The following HACD2 variants were observed in gnomAD, a reference collection of about 807,000 sequenced individuals.
HACD2 encodes 3-hydroxyacyl-CoA dehydratase 2.
In HACD2, 15 loss-of-function variants were observed where a neutral mutation model predicts 31.0. The observed-to-expected ratio is 0.48, with a 90% CI of 0.32 to 0.75. The LOEUF is 0.75. HACD2 is among the 30% of genes least tolerant of loss of function. HACD2 has a pLI of 0.03. For synonymous variants in HACD2, 115 were observed against 122.2 expected (o/e 0.94, Z 0.39); for missense variants, 283 against 313.0 (o/e 0.90, Z 0.72).
chr3:123,530,386 G>C (rs1409870885), intron 3 of HACD2, among the ~76,000 whole-genome samples: 5 of 151,812 alleles, frequency 3.3e-5, no homozygotes, highest in South Asian at 2.1e-4. Flanking sequence ...CAAGTAGCTG[G>C]GACCACACGG....
chr3:123,541,779 T>C (rs1353341680), intron 3 of HACD2, among the ~76,000 whole-genome samples: 2 of 152,188 alleles, frequency 1.3e-5, no homozygotes, highest in African/African-American at 4.8e-5. Context: ...TTAATGGTCT[T>C]TATATAACTA....
Position 123,568,547 on chromosome 3 carries a change from T to C in HACD2, c.274-767A>G, listed in dbSNP as rs550839167. 7.9e-5 allele frequency among the ~76,000 whole-genome samples: 12 copies of C among 152,320 alleles called. No individual in the cohort carries two copies. In the East Asian group the frequency reaches 2.1e-3, roughly 27 times the overall value. The stretch of plus-strand genomic sequence containing the variant: ...TTCTGGGGTCTGTCTTCCCCATTTT[T>C]ATTTCCAGTGCGTTGAGTGAGACTG... On this transcript the variant is annotated intron_variant, in intron 2 of 6. Transcript: ENST00000383657.
At chr3:123,518,711 C>A (rs1045982232) in intron 4 of HACD2, among the ~76,000 whole-genome samples, 1 of 152,026 alleles carries the variant, frequency 6.6e-6, no homozygotes, top group Non-Finnish European at 1.5e-5. Flanking sequence ...TAAGCCAGAG[C>A]AAAGGCCGGG....
In HACD2 at chr3:123,584,853, T is replaced by C. The variant is rs1475583389; in HGVS notation, c.155+20A>G. 1.4e-6 allele frequency: 2 copies of C among 1,459,330 alleles called. No homozygotes were observed. Among genetic ancestry groups the C allele is most frequent in the Non-Finnish European group, 1.8e-6 (2 of 1,099,662 alleles). 90.4% of individuals were successfully genotyped at this position (1,459,330 alleles called of 1,614,324 possible). A position where few individuals can be genotyped will look rare whatever the true frequency, so the allele number is the denominator to read the frequency against. On this transcript the variant is annotated intron_variant, in intron 1 of 6. Transcript: ENST00000383657. ...TCCCCGGCCGCGCTGGCTCCCCGCC[T>C]CCCCGAGCCCCAGCCTCACCCGGCT...
At chr3:123,528,901 A>G (rs113740148) in intron 3 of HACD2, among the ~76,000 whole-genome samples, 3 of 152,328 alleles carry the variant, frequency 2.0e-5, no homozygotes, top group African/African-American at 7.2e-5. Context: ...AAGCTCATGG[A>G]CATCAGACTT....
intron 3 of HACD2, among the ~76,000 whole-genome samples, chr3:123,536,530 A>C (rs541200503): frequency 1.3e-5 from 2 of 152,238 alleles, no homozygotes; most frequent in East Asian, 1.9e-4. Context: ...ACAACCCAAC[A>C]TAAGGATAAC....
chr3:123,510,598 T>C (rs2056046914), intron 4 of HACD2, among the ~76,000 whole-genome samples: 1 of 152,230 alleles, frequency 6.6e-6, no homozygotes, highest in Non-Finnish European at 1.5e-5. Context: ...TAATATGTAT[T>C]AGAATTTCCT....
At chr3:123,577,437 T>A (rs820439) in intron 2 of HACD2, among the ~76,000 whole-genome samples, 4 of 151,576 alleles carry the variant, frequency 2.6e-5, no homozygotes, top group African/African-American at 7.3e-5. Context: ...CTGGCTAACA[T>A]GGTGAAACCC....
intron 4 of HACD2, among the ~76,000 whole-genome samples, chr3:123,520,343 C>T (rs181543156): frequency 1.7e-4 from 26 of 152,080 alleles, no homozygotes; most frequent in Admixed American, 1.6e-3. Context: ...ATATGAAAAC[C>T]GAATTGCCTA....
At chr3:123,542,746 T>C (rs1704802329) in intron 3 of HACD2, among the ~76,000 whole-genome samples, 2 of 152,214 alleles carry the variant, frequency 1.3e-5, no homozygotes, top group African/African-American at 4.8e-5. Context: ...TTAGAAGTAT[T>C]AGTGAATACA....
At chr3:123,548,549 T>C (rs1005159104) in intron 3 of HACD2, among the ~76,000 whole-genome samples, 2 of 152,214 alleles carry the variant, frequency 1.3e-5, no homozygotes, top group Admixed American at 1.3e-4. Flanking sequence ...AGATATGTTT[T>C]AATGTATCAA....
At chr3:123,547,648 C>G (rs2056574742) in intron 3 of HACD2, among the ~76,000 whole-genome samples, 1 of 152,136 alleles carries the variant, frequency 6.6e-6, no homozygotes, top group Admixed American at 6.6e-5. Flanking sequence ...CCACTTGGCT[C>G]CTACCATGTA....
chr3:123,515,915 C>A (rs1031684842), intron 4 of HACD2, among the ~76,000 whole-genome samples: 19 of 151,980 alleles, frequency 1.3e-4, no homozygotes, highest in African/African-American at 3.9e-4. Flanking sequence ...CACCACCATG[C>A]CCGGCTAAAT....
chr3:123,566,808 C>T (rs565061545), intron 3 of HACD2, among the ~76,000 whole-genome samples: 5 of 152,152 alleles, frequency 3.3e-5, no homozygotes, highest in South Asian at 2.1e-4. Context: ...GAGCTATGAT[C>T]GCATCAATGC....
intron 3 of HACD2, among the ~76,000 whole-genome samples, chr3:123,535,048 T>G (rs548006366): frequency 1.3e-5 from 2 of 152,288 alleles, no homozygotes; most frequent in East Asian, 3.9e-4. Flanking sequence ...TTTTATAAAT[T>G]TAGTAGCCTA....
chr3:123,508,990 C>T (rs893023191), intron 4 of HACD2, among the ~76,000 whole-genome samples: 1 of 152,064 alleles, frequency 6.6e-6, no homozygotes, highest in African/African-American at 2.4e-5. Context: ...TCCGCATGAC[C>T]TCATCTAAAC....
intron 4 of HACD2, among the ~76,000 whole-genome samples, chr3:123,523,268 G>A (rs1203290272): frequency 6.6e-6 from 1 of 152,182 alleles, no homozygotes; most frequent in Non-Finnish European, 1.5e-5. Context: ...GAGGGAAAGA[G>A]GAAGAAAGGA....
intron 3 of HACD2, among the ~76,000 whole-genome samples, chr3:123,545,790 C>T (rs2107725854): frequency 6.6e-6 from 1 of 151,330 alleles, no homozygotes; most frequent in South Asian, 2.1e-4. Flanking sequence ...TAGCTCACTG[C>T]AACCTCCACC....
intron 3 of HACD2, among the ~76,000 whole-genome samples, chr3:123,563,996 C>G (rs73857675): frequency 1.3e-5 from 2 of 152,324 alleles, no homozygotes; most frequent in Non-Finnish European, 2.9e-5. Context: ...ACAAGACAAC[C>G]TGAAAGACAC....
Sources: allele counts gnomAD v4.1 joint callset (sites outside exome capture counted in the v4.1 genomes callset), GRCh38; gene constraint gnomAD v4.1.1; transcripts MANE v1.5; gene names NCBI Gene and HGNC (gene_info 2026-07-23, HGNC 2026-07-21).